Variants in SMIM5 observed in about 807,000 individuals in gnomAD.
The protein encoded by SMIM5 is chromosome 17 open reading frame 109.
Under a neutral mutation model 4.0 loss-of-function variants are expected in SMIM5, and 4 were observed. That is an observed-to-expected ratio of 1.01 (90% CI 0.50 to 2.30). SMIM5 has a LOEUF of 2.30. Among genes scored for constraint, SMIM5 ranks in the 30% most tolerant of loss-of-function variants. SMIM5 has a pLI of 0.02. For synonymous variants in SMIM5, 46 were observed against 43.6 expected, an observed-to-expected ratio of 1.05 and a Z score of -0.22; for missense variants, 107 against 99.2, an observed-to-expected ratio of 1.08 and a Z score of -0.34.
In SMIM5 at chr17:75,636,197, CCT is replaced by C. The variant is rs990429727; in HGVS notation, c.-37+1996_-37+1997del. On this transcript the variant is annotated intron_variant, in intron 1 of 2. Coordinates refer to ENST00000375215, the MANE Select transcript of SMIM5 (RefSeq NM_001162995.3). The surrounding 1 kb of genome is among the most constrained non-coding windows in gnomAD (Gnocchi z 5.4). Reference sequence around the variant, plus strand: ...TTGCTCTGGCAGCCACTCAGGAACCCCTGAGGACCCTGAGAAGCCTCCAACCA... The same window carrying C: ...TTGCTCTGGCAGCCACTCAGGAACCCGAGGACCCTGAGAAGCCTCCAACCA... 4.6e-5 allele frequency among the ~76,000 whole-genome samples: 7 copies of C among 152,268 alleles called. No homozygotes were observed. In the South Asian group the frequency reaches 8.3e-4, roughly 18 times the overall value.
intron 1 of SMIM5, chr17:75,635,838 C>T (rs1296543690): frequency 3.0e-6 from 3 of 985,376 alleles, no homozygotes; most frequent in Non-Finnish European, 3.6e-6. Context: ...CGCCTGCTGC[C>T]AGCCCTTCCT....
chr17:75,637,527 C>G (rs763113036), intron 1 of SMIM5: 3 of 152,318 alleles, frequency 2.0e-5, no homozygotes, highest in Non-Finnish European at 4.4e-5. Flanking sequence ...TTGTGCAAGC[C>G]TGCTCCACCT....
intron 1 of SMIM5, chr17:75,639,919 G>A (rs1413887348): frequency 2.5e-5 from 9 of 356,772 alleles, no homozygotes; most frequent in African/African-American, 1.7e-4. Flanking sequence ...ACCAGCCGCC[G>A]CCTTGGCCGG....
At chr17:75,637,921 T>C in intron 1 of SMIM5, 1 of 152,478 alleles carries the variant, frequency 6.6e-6, no homozygotes, top group Non-Finnish European at 1.5e-5. Context: ...CTGTGTAACC[T>C]CAGAGAAGTT....
rs151311181 is a variant in SMIM5 at position 75,636,365 on chromosome 17, T to C, written c.-37+2163T>C. On this transcript the variant is annotated intron_variant, in intron 1 of 2. Coordinates refer to ENST00000375215, the MANE Select transcript of SMIM5 (RefSeq NM_001162995.3). This position sits in a 1 kb window ranked among gnomAD's most constrained non-coding sequence, Gnocchi z 5.4. ...GGTTTTGGAAGGAGTTGGGTGAACC[T>C]GAGATAGAAAGACGGGAAAAATATG... Among the ~76,000 whole-genome samples, 31 of 152,148 alleles carry C rather than the reference T, an allele frequency of 2.0e-4. No individual in the cohort carries two copies. The highest frequency in any genetic ancestry group is 4.4e-4 in the Non-Finnish European group (30 of 68,006).
At chr17:75,639,099 G>A (rs1204485496) in intron 1 of SMIM5, 1 of 152,330 alleles carries the variant, frequency 6.6e-6, no homozygotes, top group Non-Finnish European at 1.5e-5. Context: ...GGCCCCGTTC[G>A]ATGACCTTCA....
At chr17:75,635,422 G>A (rs1042175314) in intron 1 of SMIM5, among the ~76,000 whole-genome samples, 2 of 152,172 alleles carry the variant, frequency 1.3e-5, no homozygotes, top group African/African-American at 4.8e-5. Flanking sequence ...GAACCAGGAC[G>A]GAGGGTGAAT....
rs2059404266 is a variant in SMIM5, at chr17:75,640,033, A to G, written c.-36-133A>G. 7.4e-6 allele frequency: 7 copies of G among 950,178 alleles called. No homozygotes were observed. The East Asian group carries it at 2.0e-4, about 27-fold the overall frequency. The allele number at this position is 950,178 out of a possible 1,614,324, so 58.9% of individuals were successfully genotyped here. A position where few individuals can be genotyped will look rare whatever the true frequency, so the allele number is the denominator to read the frequency against. On this transcript the variant is annotated intron_variant, in intron 1 of 2. Transcript: ENST00000375215. The surrounding 1 kb of genome is among the most constrained non-coding windows in gnomAD (Gnocchi z 4.6). ...TGAGGGCCACCACTAGGTGGAAGTC[A>G]CCAGGGGTGCAATGTGTGAGACCTG...
At chr17:75,635,788 C>A in intron 1 of SMIM5, 1 of 985,446 alleles carries the variant, frequency 1.0e-6, no homozygotes, top group Non-Finnish European at 1.2e-6. Flanking sequence ...TCTGGGGCCC[C>A]GCGCTGCCAA....
In SMIM5 at chr17:75,640,007, C is replaced by T. The variant is rs1056946733; in HGVS notation, c.-36-159C>T. 7.1e-6 allele frequency: 5 copies of T among 705,994 alleles called. No homozygotes were observed. In the African/African-American group the frequency reaches 7.3e-5, roughly 10 times the overall value. 43.7% of individuals were successfully genotyped at this position (705,994 alleles called of 1,614,324 possible). A position where few individuals can be genotyped will look rare whatever the true frequency, so the allele number is the denominator to read the frequency against. On this transcript the variant is annotated intron_variant, in intron 1 of 2. Coordinates refer to ENST00000375215, the MANE Select transcript of SMIM5 (RefSeq NM_001162995.3). The surrounding 1 kb of genome is among the most constrained non-coding windows in gnomAD (Gnocchi z 4.6). The stretch of plus-strand genomic sequence containing the variant: ...CTGAGCTGTGTCAGCTGGGTGGGGA[C>T]TGAGGGCCACCACTAGGTGGAAGTC...
chr17:75,636,959 A>G lies in SMIM5; in HGVS notation c.-37+2757A>G, dbSNP rs974887490. 4 of 152,214 alleles carry G rather than the reference A, an allele frequency of 2.6e-5. No individual in the cohort carries two copies. Among genetic ancestry groups the G allele is most frequent in the Non-Finnish European group, 2.9e-5 (2 of 68,042 alleles). 9.4% of individuals were successfully genotyped at this position (152,214 alleles called of 1,614,324 possible). ...CTAGGGAAGCCCTGGGCGCAAAGCT[A>G]TGACACTGTCCACAGCCGCAGCCTG... On this transcript the variant is annotated intron_variant, in intron 1 of 2. Coordinates refer to ENST00000375215, the MANE Select transcript of SMIM5 (RefSeq NM_001162995.3). The surrounding 1 kb of genome is among the most constrained non-coding windows in gnomAD (Gnocchi z 5.4).
chr17:75,634,792 G>A (rs973405964), intron 1 of SMIM5, among the ~76,000 whole-genome samples: 1 of 152,242 alleles, frequency 6.6e-6, no homozygotes, highest in Admixed American at 6.5e-5. Context: ...CTCTGGTGAT[G>A]AGCCTTGAAC....
chr17:75,638,992 G>A (rs1008699209), intron 1 of SMIM5: 1 of 152,354 alleles, frequency 6.6e-6, no homozygotes, highest in African/African-American at 2.4e-5. Flanking sequence ...TGCAGTGGGT[G>A]GGCTGCCTCA....
chr17:75,633,581 G>T lies in SMIM5; in HGVS notation c.-658G>T, dbSNP rs1268167998. ...GGCACAAGGGCCTCCCCAGGGACTG[G>T]TTGCAAAGCCTCCTGCTCAGCTTGA... On this transcript the variant is annotated 5_prime_UTR_variant, in exon 1 of 3. Coordinates refer to ENST00000375215, the MANE Select transcript of SMIM5 (RefSeq NM_001162995.3). The T allele has an allele frequency of 1.6e-6, 2 of 1,245,982 alleles. No individual in the cohort carries two copies. The highest frequency in any genetic ancestry group is 2.7e-5 in the South Asian group (2 of 75,184). The allele number at this position is 1,245,982 out of a possible 1,614,324, so 77.2% of individuals were successfully genotyped here.
In SMIM5 at chr17:75,633,697, GT is replaced by G. The variant is rs1348437014; in HGVS notation, c.-541del. 19 of 1,135,076 alleles carry G rather than the reference GT, an allele frequency of 1.7e-5. No individual in the cohort carries two copies. The highest frequency in any genetic ancestry group is 4.4e-6 in the Non-Finnish European group (4 of 913,092). 70.3% of individuals were successfully genotyped at this position (1,135,076 alleles called of 1,614,324 possible). A position where few individuals can be genotyped will look rare whatever the true frequency, so the allele number is the denominator to read the frequency against. ...GGGAGTGGCCAGAGGGACAGAAGGG[GT>G]GGCCTTCCTGAGGGCAGGGTGGGTG... On this transcript the variant is annotated 5_prime_UTR_variant, in exon 1 of 3. An upstream open reading frame in the 5' UTR gains an earlier in-frame stop. Transcript: ENST00000375215.
At position 75,641,324 on chromosome 17, in the gene SMIM5, G is replaced by A. The variant is rs894765163; in HGVS notation, c.*427G>A. On this transcript the variant is annotated 3_prime_UTR_variant, in exon 3 of 3. Transcript: ENST00000375215. Reference sequence around the variant, plus strand: ...GCTTTGTGCAATAGCTTCTGCATCCGAGCTCCCGCCAGAGCGTGAGCATGT... The same window carrying A: ...GCTTTGTGCAATAGCTTCTGCATCCAAGCTCCCGCCAGAGCGTGAGCATGT... 4 of 167,214 alleles carry A rather than the reference G, an allele frequency of 2.4e-5. No individual in the cohort carries two copies. Among genetic ancestry groups the A allele is most frequent in the Admixed American group, 1.2e-4 (2 of 17,382 alleles). The allele number at this position is 167,214 out of a possible 1,614,324, so 10.4% of individuals were successfully genotyped here.
rs910383988 is a variant in SMIM5 at position 75,640,847 on chromosome 17, T to C, written c.184T>C (p.Cys62Arg). The C allele has an allele frequency of 4.5e-6, 7 of 1,549,238 alleles. No homozygotes were observed. The highest frequency in any genetic ancestry group is 1.4e-5 in the African/African-American group (1 of 73,052). The change falls in exon 3 of 3, where the codon TGC becomes CGC. Residue 62 changes from cysteine (C) to arginine (R), a missense_variant. By Grantham distance (180) the Cys-to-Arg change is radical. Transcript: ENST00000375215. The surrounding 1 kb of genome is among the most constrained non-coding windows in gnomAD (Gnocchi z 4.6). The part of the protein sequence containing the change: ...ACSCCCTHCC[C>R]PERRGRKVQV... ...CAGCTGCTGCTGCACTCACTGCTGC[T>C]GCCCTGAGCGGAGAGGCAGGAAGGT...
At chr17:75,639,503 AT>A (rs1568268429) in intron 1 of SMIM5, 1 of 152,190 alleles carries the variant, frequency 6.6e-6, no homozygotes, top group Non-Finnish European at 1.5e-5. Context: ...AGAGAAACAG[AT>A]GACGCCAGCA....
In SMIM5 at chr17:75,639,980, C is replaced by T. The variant is rs1055672750; in HGVS notation, c.-36-186C>T. On this transcript the variant is annotated intron_variant, in intron 1 of 2. Transcript: ENST00000375215. Reference sequence around the variant, plus strand: ...TCACTGTCCTCACCGGCTTCCTCCACCCTGAGCTGTGTCAGCTGGGTGGGG... The same window carrying T: ...TCACTGTCCTCACCGGCTTCCTCCATCCTGAGCTGTGTCAGCTGGGTGGGG... 6.8e-6 allele frequency: 4 copies of T among 587,482 alleles called. No homozygotes were observed. The African/African-American group carries it at 7.6e-5, about 11-fold the overall frequency. 36.4% of individuals were successfully genotyped at this position (587,482 alleles called of 1,614,324 possible). A position where few individuals can be genotyped will look rare whatever the true frequency, so the allele number is the denominator to read the frequency against.
Sources: allele counts gnomAD v4.1 joint callset (sites outside exome capture counted in the v4.1 genomes callset), GRCh38; gene constraint gnomAD v4.1.1; non-coding constraint Gnocchi (gnomAD v3.1); transcripts MANE v1.5; gene names NCBI Gene and HGNC (gene_info 2026-07-23, HGNC 2026-07-21).